The following CEP128 variants were observed in gnomAD, a reference collection of about 807,000 sequenced individuals.
CEP128 encodes the protein centrosomal protein 128kDa.
In CEP128, 132 loss-of-function variants were observed where a neutral mutation model predicts 156.7. The ratio of observed to expected loss-of-function variants is 0.84; its 90% confidence interval spans 0.73 to 0.97. The LOEUF (loss-of-function observed/expected upper bound fraction) is 0.97, where lower values mean the gene tolerates loss of function less well. Among genes scored for constraint, CEP128 ranks in the 50% least tolerant of loss-of-function variants. CEP128 has a pLI of 0.00. For missense variants in CEP128, 1,252 were observed against 1,281.9 expected, an observed-to-expected ratio of 0.98 and a Z score of 0.36; for synonymous variants, 469 against 448.9, an observed-to-expected ratio of 1.04 and a Z score of -0.57.
chr14:80,939,079 A>C (rs1259025514), intron 2 of CEP128, among the ~76,000 whole-genome samples: 1 of 152,236 alleles, frequency 6.6e-6, no homozygotes, highest in Non-Finnish European at 1.5e-5. Flanking sequence ...TAAAGGAATT[A>C]TATAATGCCT....
intron 2 of CEP128, among the ~76,000 whole-genome samples, chr14:80,934,558 T>TCTAACCTCCCTGAGGGCATATA (rs1443801683): frequency 6.6e-6 from 1 of 152,208 alleles, no homozygotes; most frequent in East Asian, 1.9e-4. Context: ...AGGCAGGATT[T>TCTAACCTCCCTGAGGGCATATA]CTAACCTCCC....
At chr14:80,536,357 ATG>A (rs1332894564) in intron 21 of CEP128, among the ~76,000 whole-genome samples, 1 of 152,206 alleles carries the variant, frequency 6.6e-6, no homozygotes. Flanking sequence ...TTGAAATCAT[ATG>A]TGTTTTGAGG....
intron 8 of CEP128, among the ~76,000 whole-genome samples, 159 bp from the exon 9 acceptor site, chr14:80,863,032 G>A (rs1214583308): frequency 7.2e-5 from 11 of 152,042 alleles, no homozygotes; most frequent in Non-Finnish European, 1.5e-4. Flanking sequence ...GAAATAGCTG[G>A]CCAAAAAGCT....
intron 18 of CEP128, among the ~76,000 whole-genome samples, chr14:80,752,585 A>G (rs1357725821): frequency 6.6e-6 from 1 of 152,198 alleles, no homozygotes; most frequent in Non-Finnish European, 1.5e-5. Flanking sequence ...ACATCTATCA[A>G]TAAGAATTAA....
chr14:80,959,003 T>G (rs1439194025), intron 1 of CEP128, among the ~76,000 whole-genome samples: 2 of 152,234 alleles, frequency 1.3e-5, no homozygotes, highest in Admixed American at 6.5e-5. Context: ...AACAACTCTT[T>G]CTAAACTTTA....
chr14:80,934,390 C>G (rs1377284470), intron 2 of CEP128, among the ~76,000 whole-genome samples: 1 of 152,176 alleles, frequency 6.6e-6, no homozygotes, highest in Non-Finnish European at 1.5e-5. Context: ...AAAGTAGAAA[C>G]ATACTGGATT....
chr14:80,940,194 G>C (rs963447432), intron 1 of CEP128, among the ~76,000 whole-genome samples: 1 of 152,080 alleles, frequency 6.6e-6, no homozygotes, highest in African/African-American at 2.4e-5. Context: ...TTCTGAAAAA[G>C]TTAATCAAAA....
At chr14:80,858,641 T>C (rs1328151012) in intron 9 of CEP128, among the ~76,000 whole-genome samples, 2 of 148,442 alleles carry the variant, frequency 1.3e-5, no homozygotes, top group Non-Finnish European at 3.0e-5. Flanking sequence ...TTTCGCAACC[T>C]ACTCATCTGA....
At chr14:80,924,617 A>T in intron 2 of CEP128, among the ~76,000 whole-genome samples, 1 of 152,120 alleles carries the variant, frequency 6.6e-6, no homozygotes, top group East Asian at 1.9e-4. Context: ...AGGAAATAGG[A>T]TCCACTTAAA....
intron 19 of CEP128, among the ~76,000 whole-genome samples, chr14:80,645,974 G>A (rs7144036): frequency 0.49 from 74,408 of 151,976 alleles, 20,348 homozygotes; most frequent in Non-Finnish European, 0.59. Flanking sequence ...TGTGAAAAAG[G>A]TACATTGTAT....
intron 23 of CEP128, among the ~76,000 whole-genome samples, chr14:80,511,100 T>A (rs1888231746): frequency 6.6e-6 from 1 of 151,494 alleles, no homozygotes; most frequent in African/African-American, 2.4e-5. Flanking sequence ...CTGGATTTGG[T>A]ATCAGGGTAA....
intron 19 of CEP128, among the ~76,000 whole-genome samples, chr14:80,738,533 CT>C (rs1353025692): frequency 2.0e-5 from 3 of 152,084 alleles, no homozygotes; most frequent in African/African-American, 4.8e-5. Flanking sequence ...AGTCTCCCCC[CT>C]ATTTTTAGAT....
intron 19 of CEP128, among the ~76,000 whole-genome samples, chr14:80,673,380 AC>A (rs1222991198): frequency 1.3e-5 from 2 of 152,158 alleles, no homozygotes; most frequent in East Asian, 3.9e-4. Context: ...GCGGTGGCTC[AC>A]GCCTGTAATC....
chr14:80,514,844 G>A (rs1888415234), intron 23 of CEP128, among the ~76,000 whole-genome samples: 3 of 152,068 alleles, frequency 2.0e-5, no homozygotes, highest in African/African-American at 4.8e-5. Flanking sequence ...GTCTAGGTTT[G>A]TTTGGATCCA....
intron 19 of CEP128, among the ~76,000 whole-genome samples, chr14:80,657,283 G>T (rs1430842845): frequency 6.6e-6 from 1 of 151,046 alleles, no homozygotes; most frequent in East Asian, 2.0e-4. Flanking sequence ...AAAAAATGGT[G>T]GCTTGTCATT....
intron 21 of CEP128, among the ~76,000 whole-genome samples, chr14:80,540,072 A>G (rs1183371729): frequency 6.6e-6 from 1 of 152,006 alleles, no homozygotes; most frequent in South Asian, 2.1e-4. Context: ...ACCCTTATCA[A>G]TGGTTCTGCT....
chr14:80,577,643 G>T (rs1436632854), intron 20 of CEP128, among the ~76,000 whole-genome samples: 2 of 152,044 alleles, frequency 1.3e-5, no homozygotes, highest in African/African-American at 4.8e-5. Flanking sequence ...TGCTTAATTG[G>T]TCTCCCTGAT....
intron 8 of CEP128, among the ~76,000 whole-genome samples, chr14:80,875,968 A>G (rs1186953062): frequency 6.6e-6 from 1 of 152,146 alleles, no homozygotes; most frequent in Non-Finnish European, 1.5e-5. Context: ...TAAAAGTGAA[A>G]AGCGGGGTTT....
rs144730081 is a variant in CEP128, at chr14:80,820,306, G to T, written c.1209+10837C>A. On this transcript the variant is annotated intron_variant, in intron 13 of 24. Transcript: ENST00000555265. ...GATATGCCAGTTAGTTTGATTGAAT[G>T]CTAGACACTGTATATGACAAATTAT... Among the ~76,000 whole-genome samples, 671 of 152,292 alleles carry T rather than the reference G, an allele frequency of 4.4e-3. 3 individuals are homozygous for T. The highest frequency in any genetic ancestry group is 5.4e-3 in the Admixed American group (82 of 15,288).
Sources: allele counts gnomAD v4.1 joint callset (sites outside exome capture counted in the v4.1 genomes callset), GRCh38; gene constraint gnomAD v4.1.1; transcripts MANE v1.5; gene names NCBI Gene and HGNC (gene_info 2026-07-23, HGNC 2026-07-21).